FGR: variants seen among roughly 807,000 people sequenced by gnomAD.
FGR encodes the protein tyrosine-protein kinase Fgr.
Under a neutral mutation model 63.2 loss-of-function variants are expected in FGR, and 26 were observed. The observed-to-expected ratio is 0.41, with a 90% CI of 0.30 to 0.57. FGR has a LOEUF of 0.57. Ranked by LOEUF, FGR falls within the 20% of genes least tolerant of loss-of-function variation. The pLI is 0.27. For missense variants in FGR, 511 were observed against 690.8 expected (o/e 0.74, Z 2.92); for synonymous variants, 286 against 277.7 (o/e 1.03, Z -0.30).
Position 27,617,379 on chromosome 1 carries a change from G to C in FGR, c.429-83C>G. The C allele has an allele frequency of 1.0e-6, 1 of 964,366 alleles. No homozygotes were observed. The allele number at this position is 964,366 out of a possible 1,614,324, so 59.7% of individuals were successfully genotyped here. A position where few individuals can be genotyped will look rare whatever the true frequency, so the allele number is the denominator to read the frequency against. ...CCTGCACAGTCACCTCACAAGCCAA[G>C]ACTCCATTTTCCCCATGTGTAAAAT... On this transcript the variant is annotated intron_variant, in intron 5 of 12. Transcript: ENST00000374005. The surrounding 1 kb of genome is among the most constrained non-coding windows in gnomAD (Gnocchi z 4.5).
rs2148525271 is a variant in FGR at position 27,617,214 on chromosome 1, G to T, written c.511C>A (p.Arg171=). The T allele has an allele frequency of 6.2e-7, 1 of 1,614,034 alleles. No individual in the cohort carries two copies. Among genetic ancestry groups the T allele is most frequent in the South Asian group, 1.1e-5 (1 of 91,080 alleles). The change falls in exon 6 of 13, where the codon CGG becomes AGG. Residue 171 remains arginine (R), a synonymous_variant. Transcript: ENST00000374005. The surrounding 1 kb of genome is among the most constrained non-coding windows in gnomAD (Gnocchi z 4.5). ...CTACCTTTGGTGGTCTCGCTTTCCC[G>T]AATGAGAAAGGCCCCCTGGGGGTTG... is the stretch of plus-strand genomic sequence containing the variant. ...PGNPQGAFLI[R]ESETTKGAYS... is the part of the protein sequence containing the mutation.
intron 1 of FGR, among the ~76,000 whole-genome samples, chr1:27,632,146 T>C (rs1339557250): frequency 6.6e-6 from 1 of 151,316 alleles, no homozygotes; most frequent in South Asian, 2.1e-4. Context: ...TCTTCTTTTT[T>C]TTTTTTTTGA....
Position 27,615,727 on chromosome 1 carries a change from C to T in FGR, c.800G>A (p.Arg267His), listed in dbSNP as rs2089795386. ...CCCGAAGCAGCCGGTGCCCAGCCGG[C>T]GCTCCAGCGTGATGGAGCTGCGGCT... ...EISRSSITLE[R>H]RLGTGCFGDV... The change falls in exon 8 of 13, where the codon CGC (arginine) becomes CAC (histidine). Residue 267 changes from arginine (R) to histidine (H), a missense_variant. Transcript: ENST00000374005. The surrounding 1 kb of genome is among the most constrained non-coding windows in gnomAD (Gnocchi z 7.6). 6.2e-7 allele frequency: 1 copy of T among 1,607,056 alleles called. No individual in the cohort carries two copies. Among genetic ancestry groups the T allele is most frequent in the Non-Finnish European group, 8.5e-7 (1 of 1,175,628 alleles).
intron 4 of FGR, 70 bp downstream of exon 4, chr1:27,622,972 A>G: frequency 9.3e-7 from 1 of 1,074,902 alleles, no homozygotes; most frequent in Non-Finnish European, 1.4e-6. Flanking sequence ...GCTAGGGACC[A>G]GGTGGGATTC....
intron 5 of FGR, among the ~76,000 whole-genome samples, chr1:27,620,299 A>G (rs903808455): frequency 6.6e-6 from 1 of 152,162 alleles, no homozygotes; most frequent in African/African-American, 2.4e-5. Context: ...CCTGGGCAAC[A>G]GAGCAAGACT....
intron 5 of FGR, among the ~76,000 whole-genome samples, chr1:27,620,203 G>C (rs1402242513): frequency 1.3e-5 from 2 of 152,074 alleles, no homozygotes; most frequent in African/African-American, 4.8e-5. Flanking sequence ...TGTAGTCCCA[G>C]GTACTTGGAA....
At position 27,623,701 on chromosome 1, in the gene FGR, C is replaced by T. The variant is rs1417079911; in HGVS notation, c.216G>A (p.Arg72=). ...ACCCCTTGGACTCACCTGACACACCCCTGATGGTGCCACTATCAAGGAAGC... is the reference window on the plus strand; with the variant it reads ...ACCCCTTGGACTCACCTGACACACCTCTGATGGTGCCACTATCAAGGAAGC... ...NPGFLDSGTI[R]GVSGIGVTLF... The change falls in exon 3 of 13, where the codon AGG becomes AGA. Residue 72 remains arginine, a synonymous_variant. Transcript: ENST00000374005. 1.9e-6 allele frequency: 3 copies of T among 1,614,196 alleles called. No homozygotes were observed. The highest frequency in any genetic ancestry group is 2.5e-6 in the Non-Finnish European group (3 of 1,180,026).
rs2089827354 is a variant in FGR, at chr1:27,617,064, G to C, written c.533-58C>G. 6.2e-7 allele frequency: 1 copy of C among 1,609,524 alleles called. No homozygotes were observed. Among genetic ancestry groups the C allele is most frequent in the African/African-American group, 1.3e-5 (1 of 74,928 alleles). ...TCCTCTGCCCTAGTCTGGGAGCTGGGAGAGGCCCGACAGCAGCATCCCTAG... is the reference window on the plus strand; with the variant it reads ...TCCTCTGCCCTAGTCTGGGAGCTGGCAGAGGCCCGACAGCAGCATCCCTAG... On this transcript the variant is annotated intron_variant, in intron 6 of 12. Transcript: ENST00000374005. The surrounding 1 kb of genome is among the most constrained non-coding windows in gnomAD (Gnocchi z 4.5).
Position 27,614,917 on chromosome 1 carries a change from A to G in FGR, c.1028T>C (p.Leu343Pro). ...GCCCTCTGGGTTCTTGAGAAAATCC[A>G]GCAAGCTGCCTGGGAAGAAGCCAGA... ...VTEFMCHGSL[L>P]DFLKNPEGQD... Residue 343 changes from leucine to proline, a missense_variant, in exon 10 of 13, where the codon CTG becomes CCG. Physicochemically the swap from Leu to Pro is moderately conservative, Grantham distance 98. Coordinates refer to ENST00000374005, the MANE Select transcript of FGR (RefSeq NM_005248.3). 6.3e-7 allele frequency: 1 copy of G among 1,597,960 alleles called. No homozygotes were observed. Among genetic ancestry groups the G allele is most frequent in the Non-Finnish European group, 8.5e-7 (1 of 1,170,924 alleles).
intron 1 of FGR, among the ~76,000 whole-genome samples, chr1:27,631,341 G>A (rs1271980471): frequency 2.0e-5 from 3 of 152,248 alleles, no homozygotes; most frequent in Non-Finnish European, 2.9e-5. Context: ...CCCTACTGCT[G>A]GACATAGGAA....
intron 1 of FGR, chr1:27,626,612 G>A: frequency 6.3e-6 from 1 of 158,206 alleles, no homozygotes. Context: ...GGGGGTGGGG[G>A]CATCACACCC....
rs1048378161 is a variant in FGR at position 27,623,062 on chromosome 1, C to G, written c.309G>C (p.Lys103Asn). 1 of 1,613,996 alleles carries G rather than the reference C, an allele frequency of 6.2e-7. No homozygotes were observed. The highest frequency in any genetic ancestry group is 8.5e-7 in the Non-Finnish European group (1 of 1,179,834). Residue 103 changes from lysine (K) to asparagine (N), a missense_variant, in exon 4 of 13, where the codon AAG (lysine) becomes AAC (asparagine). By Grantham distance (94) the Lys-to-Asn change is moderately conservative. Coordinates refer to ENST00000374005, the MANE Select transcript of FGR (RefSeq NM_005248.3). ...CTTACGTATTGTTCAGGATGTGGAA[C>G]TTCTCGCCCTTGGTGAAGGTGAGGT... Reference protein sequence around the residue: ...EDDLTFTKGEKFHILNNTEGD... With the variant: ...EDDLTFTKGENFHILNNTEGD...
intron 10 of FGR, 70 bp downstream of exon 10, chr1:27,614,780 A>C: frequency 6.8e-7 from 1 of 1,461,000 alleles, no homozygotes; most frequent in East Asian, 2.5e-5. Context: ...CAGGCGTTTG[A>C]AGGGACAGAG....
intron 5 of FGR, among the ~76,000 whole-genome samples, chr1:27,620,289 C>G (rs750517753): frequency 6.6e-5 from 10 of 152,030 alleles, no homozygotes; most frequent in Non-Finnish European, 1.5e-4. Flanking sequence ...TGCCCTCCAA[C>G]CTGGGCAACA....
rs1450509321 is a variant in FGR at position 27,623,762 on chromosome 1, T to C, written c.155A>G (p.Asn52Ser). 12 of 1,614,054 alleles carry C rather than the reference T, an allele frequency of 7.4e-6. No homozygotes were observed. In the East Asian group the frequency reaches 1.6e-4, roughly 21 times the overall value. The change falls in exon 3 of 13, where the codon AAC becomes AGC. Residue 52 changes from asparagine (N) to serine (S), a missense_variant. Physicochemically the swap from Asn to Ser is conservative, Grantham distance 46. Coordinates refer to ENST00000374005, the MANE Select transcript of FGR (RefSeq NM_005248.3). The part of the protein sequence containing the change: ...RPASSFAHIP[N>S]YSNFSSQAIN... ...GGCCTGAGAGGAGAAGTTGCTGTAG[T>C]TGGGGATGTGGGCAAATGAGGATGC...
Position 27,615,585 on chromosome 1 carries a change from C to T in FGR, c.867G>A (p.Ala289=), listed in dbSNP as rs1464278280. 1 of 1,612,794 alleles carries T rather than the reference C, an allele frequency of 6.2e-7. No homozygotes were observed. Among genetic ancestry groups the T allele is most frequent in the African/African-American group, 1.3e-5 (1 of 75,004 alleles). Residue 289 remains alanine (A), a synonymous_variant, in exon 9 of 13, where the codon GCG becomes GCA. Coordinates refer to ENST00000374005, the MANE Select transcript of FGR (RefSeq NM_005248.3). The surrounding 1 kb of genome is among the most constrained non-coding windows in gnomAD (Gnocchi z 7.6). The part of the protein sequence containing the change: ...LGTWNGSTKV[A]VKTLKPGTMS... ...TGGTGCCCGGCTTCAGCGTCTTCAC[C>T]GCCACCTTAGTGCTGCCGTTCCACG...
chr1:27,615,779 C>T lies in FGR; in HGVS notation c.748G>A (p.Gly250Ser), dbSNP rs1302018530. Reference sequence around the variant, plus strand: ...ATCTCCCAGGCGTCCTTGGCCAGGCCCAGCGTCTGCGGCTTCATGATGGTG... The same window carrying T: ...ATCTCCCAGGCGTCCTTGGCCAGGCTCAGCGTCTGCGGCTTCATGATGGTG... ...PCTIMKPQTL[G>S]LAKDAWEISR... The change falls in exon 8 of 13, where the codon GGC (glycine) becomes AGC (serine). Residue 250 changes from glycine to serine, a missense_variant. Coordinates refer to ENST00000374005, the MANE Select transcript of FGR (RefSeq NM_005248.3). The surrounding 1 kb of genome is among the most constrained non-coding windows in gnomAD (Gnocchi z 7.6). The T allele has an allele frequency of 1.2e-6, 2 of 1,602,442 alleles. No individual in the cohort carries two copies. Among genetic ancestry groups the T allele is most frequent in the Non-Finnish European group, 1.7e-6 (2 of 1,174,682 alleles).
chr1:27,620,796 T>C (rs2089905860), intron 5 of FGR, among the ~76,000 whole-genome samples: 1 of 149,100 alleles, frequency 6.7e-6, no homozygotes, highest in South Asian at 2.1e-4. Context: ...GAGGCCAAGA[T>C]GGGCGGATGG....
At chr1:27,630,741 G>A (rs2148532301) in intron 1 of FGR, among the ~76,000 whole-genome samples, 1 of 152,240 alleles carries the variant, frequency 6.6e-6, no homozygotes, top group East Asian at 1.9e-4. Context: ...CTGGGCACTT[G>A]GTTCTGTTTA....
Sources: gnomAD v4.1 joint callset for allele counts (sites outside exome capture counted in the v4.1 genomes callset) on GRCh38, gnomAD v4.1.1 for gene constraint, Gnocchi (gnomAD v3.1) non-coding constraint, MANE v1.5 for transcripts, NCBI Gene and HGNC (gene_info 2026-07-23, HGNC 2026-07-21) for gene names.